Variants in LRP4 observed in about 807,000 individuals in gnomAD.
LRP4 encodes low-density lipoprotein receptor-related protein 4.
A neutral mutation model predicts 220.3 loss-of-function variants in LRP4; 95 were observed. The observed-to-expected ratio is 0.43, with a 90% CI of 0.37 to 0.51. LRP4 has a LOEUF of 0.51. Among genes scored for constraint, LRP4 ranks in the 20% least tolerant of loss-of-function variants. LRP4 has a pLI of 0.00. For synonymous variants in LRP4, 903 were observed against 954.6 expected (o/e 0.95, Z 1.00); for missense variants, 1,925 against 2,567.0 (o/e 0.75, Z 5.40).
chr11:46,894,564 C>G, intron 12 of LRP4, 25 bp downstream of exon 12: 3 of 1,561,176 alleles, frequency 1.9e-6, no homozygotes, highest in Non-Finnish European at 2.6e-6. Flanking sequence ...GGCTCTGCCC[C>G]TCTCCATGGG....
At chr11:46,882,475 C>CA (rs537466152) in intron 19 of LRP4, among the ~76,000 whole-genome samples, 52 of 141,228 alleles carry the variant, frequency 3.7e-4, no homozygotes, top group East Asian at 8.3e-4. Flanking sequence ...GACTCTGTTT[C>CA]AAAAAAAAAA....
intron 16 of LRP4, among the ~76,000 whole-genome samples, chr11:46,887,138 C>G (rs760585018): frequency 2.0e-5 from 3 of 152,172 alleles, no homozygotes; most frequent in Non-Finnish European, 4.4e-5. Flanking sequence ...AGCTAGGACT[C>G]AGATCTGACT....
chr11:46,888,797 A>T (rs564091782), intron 16 of LRP4, among the ~76,000 whole-genome samples: 14 of 152,186 alleles, frequency 9.2e-5, no homozygotes, highest in Non-Finnish European at 1.5e-4. Context: ...TGGTCGTGCC[A>T]TATGCCCGGA....
Position 46,879,008 on chromosome 11 carries a change from C to T in LRP4, c.3035G>A (p.Gly1012Asp), listed in dbSNP as rs748636802. The change falls in exon 22 of 38, where the codon GGC (glycine) becomes GAC (aspartate). Residue 1012 changes from glycine (G) to aspartate (D), a missense_variant. Gly to Asp is a moderately conservative substitution (Grantham distance 94). Transcript: ENST00000378623. ...VSTPCAMENG[G>D]CSHLCLRSPN... ...GGACCTAAGACACAGGTGGCTACAG[C>T]CGCCATTCTCCATAGCACATGGTGT... The T allele has an allele frequency of 6.2e-7, 1 of 1,614,242 alleles. No homozygotes were observed. The highest frequency in any genetic ancestry group is 2.2e-5 in the East Asian group (1 of 44,886).
chr11:46,875,463 C>A lies in LRP4; in HGVS notation c.3918G>T (p.Gln1306His). ...LMDMQAVDRAQPLGFNKCGSR... is the reference protein window; with the variant it reads ...LMDMQAVDRAHPLGFNKCGSR... ...CAGCCCTCTGACTCTCACCTAGTGG[C>A]TGTGCCCGGTCCACAGCCTGCATGT... Residue 1306 changes from glutamine (Q) to histidine (H), a missense_variant, in exon 27 of 38, where the codon CAG (glutamine) becomes CAT (histidine). Transcript: ENST00000378623. This position sits in a 1 kb window ranked among gnomAD's most constrained non-coding sequence, Gnocchi z 4.5. The A allele has an allele frequency of 6.2e-7, 1 of 1,613,956 alleles. No homozygotes were observed. Among genetic ancestry groups the A allele is most frequent in the Non-Finnish European group, 8.5e-7 (1 of 1,179,960 alleles).
At position 46,865,152 on chromosome 11, in the gene LRP4, C is replaced by T; in HGVS notation, c.5122G>A (p.Ala1708Thr). ...GCAGGAACAGCGTCATTGGAACGTG[C>T]ACAGAGGCCCAGCCTGGCATCCCTT... ...SERDARLGLC[A>T]RSNDAVPAAP... The change falls in exon 35 of 38, where the codon GCA (alanine) becomes ACA (threonine). Residue 1708 changes from alanine (A) to threonine (T), a missense_variant. Ala to Thr is a moderately conservative substitution (Grantham distance 58). Around this residue, in one of 3 missense-constraint regions of LRP4, gnomAD observed 1,244 missense variants for 1,624.9 expected, o/e 0.77. Coordinates refer to ENST00000378623, the MANE Select transcript of LRP4 (RefSeq NM_002334.4). The T allele has an allele frequency of 6.4e-7, 1 of 1,561,572 alleles. No individual in the cohort carries two copies. Among genetic ancestry groups the T allele is most frequent in the Non-Finnish European group, 8.7e-7 (1 of 1,151,916 alleles).
chr11:46,885,738 C>T (rs1047780011), intron 18 of LRP4, among the ~76,000 whole-genome samples: 6 of 142,076 alleles, frequency 4.2e-5, no homozygotes, highest in Middle Eastern at 3.7e-3. Context: ...CGCACCACTG[C>T]ACTCCAGCCT....
At chr11:46,869,186 C>T (rs1940794094) in intron 31 of LRP4, 54 bp from the exon 32 acceptor site, 1 of 1,558,718 alleles carries the variant, frequency 6.4e-7, no homozygotes, top group Non-Finnish European at 8.8e-7. Context: ...AAGCAGACTC[C>T]TTCCTGTACA....
Position 46,896,963 on chromosome 11 carries a change from G to A in LRP4, c.828C>T (p.Arg276=), listed in dbSNP as rs779026507. 5 of 1,614,082 alleles carry A rather than the reference G, an allele frequency of 3.1e-6. No individual in the cohort carries two copies. In the South Asian group the frequency reaches 4.4e-5, roughly 14 times the overall value. Residue 276 remains arginine (R), a synonymous_variant, in exon 8 of 38, where the codon CGC becomes CGT. Transcript: ENST00000378623. The stretch of plus-strand genomic sequence containing the variant: ...GGCGGACACAGCGGCCTGAGTGACA[G>A]CGGAACTGTTCTGCCGTACACATGG... The part of the protein sequence containing the change: ...TTSMCTAEQF[R]CHSGRCVRLS...
chr11:46,893,274 T>A, intron 12 of LRP4, 145 bp from the exon 13 acceptor site: 1 of 786,138 alleles, frequency 1.3e-6, no homozygotes, highest in Non-Finnish European at 2.2e-6. Flanking sequence ...CATTTAAGCA[T>A]CACAACTCTG....
intron 28 of LRP4, 62 bp downstream of exon 28, chr11:46,874,738 C>G: frequency 6.7e-7 from 1 of 1,487,860 alleles, no homozygotes; most frequent in South Asian, 1.1e-5. Context: ...CAGAACACAA[C>G]CTCACCCATG....
Position 46,893,005 on chromosome 11 carries a change from C to T in LRP4, c.1665G>A (p.Lys555=). The change falls in exon 13 of 38, where the codon AAG becomes AAA. Residue 555 remains lysine (K), a synonymous_variant. Transcript: ENST00000378623. The stretch of plus-strand genomic sequence containing the variant: ...TGGGATGCAAGGCAATGGCCCGGGG[C>T]TTCTCCAGGTTCTGCCACAGCAACA... The part of the protein sequence containing the change: ...RKVLLWQNLE[K]PRAIALHPME... 1 of 1,614,006 alleles carries T rather than the reference C, an allele frequency of 6.2e-7. No individual in the cohort carries two copies. Among genetic ancestry groups the T allele is most frequent in the Non-Finnish European group, 8.5e-7 (1 of 1,179,986 alleles).
Position 46,858,420 on chromosome 11 carries a change from C to G in LRP4, c.*563G>C. 1 of 180,332 alleles carries G rather than the reference C, an allele frequency of 5.5e-6. No homozygotes were observed. The highest frequency in any genetic ancestry group is 1.2e-5 in the Non-Finnish European group (1 of 83,192). 11.2% of individuals were successfully genotyped at this position (180,332 alleles called of 1,614,324 possible). On this transcript the variant is annotated 3_prime_UTR_variant, in exon 38 of 38. Transcript: ENST00000378623. Reference sequence around the variant, plus strand: ...CAGACACCCAGATCCAACTACCCCCCAAAGCTTTTTCATGTTACTAACACA... The same window carrying G: ...CAGACACCCAGATCCAACTACCCCCGAAAGCTTTTTCATGTTACTAACACA...
chr11:46,894,785 G>A lies in LRP4; in HGVS notation c.1344C>T (p.Ile448=), dbSNP rs748651620. Residue 448 remains isoleucine, a synonymous_variant, in exon 12 of 38, where the codon ATC becomes ATT. Transcript: ENST00000378623. ...PEPVLLFANR[I]DIRQVLPHRS... ...GGTGTGGCAGCACCTGCCGGATGTC[G>A]ATGCGATTGGCGAACAGCAGCACAG... 1.3e-5 allele frequency: 21 copies of A among 1,614,036 alleles called. No individual in the cohort carries two copies. The highest frequency in any genetic ancestry group is 1.7e-5 in the Non-Finnish European group (20 of 1,180,020).
chr11:46,911,841 CTTTT>C (rs540593524), intron 1 of LRP4, among the ~76,000 whole-genome samples: 1 of 118,806 alleles, frequency 8.4e-6, no homozygotes. Flanking sequence ...TGGGAATCTT[CTTTT>C]TTTTTTTTTT....
chr11:46,859,989 C>CTTTGGG (rs1334358912), intron 37 of LRP4, among the ~76,000 whole-genome samples: 3 of 152,116 alleles, frequency 2.0e-5, no homozygotes, highest in South Asian at 2.1e-4. Context: ...AATCCCAGCA[C>CTTTGGG]TTTGGGAGGC....
At chr11:46,911,103 A>G (rs781197976) in intron 1 of LRP4, among the ~76,000 whole-genome samples, 2 of 152,236 alleles carry the variant, frequency 1.3e-5, no homozygotes, top group Non-Finnish European at 2.9e-5. Flanking sequence ...GAGTAATAAC[A>G]GTATCTATTT....
intron 19 of LRP4, among the ~76,000 whole-genome samples, chr11:46,883,630 G>A (rs1941213087): frequency 6.6e-6 from 1 of 152,196 alleles, no homozygotes; most frequent in South Asian, 2.1e-4. Context: ...TGAGACCCCT[G>A]ATTTCTTACT....
chr11:46,903,321 T>C (rs1404619549), intron 1 of LRP4, among the ~76,000 whole-genome samples: 1 of 152,096 alleles, frequency 6.6e-6, no homozygotes, highest in African/African-American at 2.4e-5. Flanking sequence ...TAGTGAGACC[T>C]TGTTTCTACA....
Sources: allele counts gnomAD v4.1 joint callset (sites outside exome capture counted in the v4.1 genomes callset), GRCh38; gene constraint gnomAD v4.1.1; regional missense constraint gnomAD v4.1.1; non-coding constraint Gnocchi (gnomAD v3.1); transcripts MANE v1.5; gene names NCBI Gene and HGNC (gene_info 2026-07-23, HGNC 2026-07-21).